Variants in RMST observed in about 807,000 individuals in gnomAD.
The protein encoded by RMST is long intergenic non-protein coding RNA 54.
At chr12:97,539,601 T>A (rs1882348092) in intron 11 of RMST, among the ~76,000 whole-genome samples, 1 of 151,650 alleles carries the variant, frequency 6.6e-6, no homozygotes, top group Non-Finnish European at 1.5e-5. Context: ...CTTTTTGCTA[T>A]CATGAGATTA....
chr12:97,505,122 T>G (rs1237396766), intron 10 of RMST, among the ~76,000 whole-genome samples: 1 of 152,210 alleles, frequency 6.6e-6, no homozygotes, highest in Non-Finnish European at 1.5e-5. Context: ...ATAAGTGAAA[T>G]TTAGTGTCTG....
intron 9 of RMST, among the ~76,000 whole-genome samples, chr12:97,495,298 C>G (rs1355193048): frequency 6.6e-6 from 1 of 151,876 alleles, no homozygotes; most frequent in Non-Finnish European, 1.5e-5. Context: ...TTGACACATT[C>G]TGAAGTTAAA....
intron 11 of RMST, among the ~76,000 whole-genome samples, chr12:97,534,951 T>G (rs941284903): frequency 1.1e-4 from 17 of 151,722 alleles, no homozygotes; most frequent in Admixed American, 8.6e-4. Flanking sequence ...TTAGAGTAGA[T>G]GTACTATAAG....
chr12:97,563,071 G>A (rs1452479129), intron 13 of RMST, among the ~76,000 whole-genome samples: 1 of 152,154 alleles, frequency 6.6e-6, no homozygotes. Context: ...GTTTCAGCAT[G>A]GCCACTTATA....
intron 11 of RMST, among the ~76,000 whole-genome samples, chr12:97,544,692 A>G (rs1882805030): frequency 6.6e-6 from 1 of 151,956 alleles, no homozygotes; most frequent in African/African-American, 2.4e-5. Context: ...TTATCAACTA[A>G]TTTCTCTGCA....
chr12:97,485,230 T>C (rs1875945263), intron 5 of RMST, among the ~76,000 whole-genome samples: 1 of 152,188 alleles, frequency 6.6e-6, no homozygotes, highest in Admixed American at 6.5e-5. Flanking sequence ...TCCATCCATT[T>C]CTCTAGTAAA....
At chr12:97,544,072 A>G (rs1040995495) in intron 11 of RMST, among the ~76,000 whole-genome samples, 2 of 152,032 alleles carry the variant, frequency 1.3e-5, no homozygotes, top group African/African-American at 2.4e-5. Context: ...TTGCCCTTCT[A>G]TCAAAAAGAA....
chr12:97,558,629 C>T (rs1883880276), intron 11 of RMST, among the ~76,000 whole-genome samples: 1 of 152,044 alleles, frequency 6.6e-6, no homozygotes, highest in Non-Finnish European at 1.5e-5. Flanking sequence ...ATCAGTATTA[C>T]AAACATAAAT....
chr12:97,541,770 A>G (rs183670374), intron 11 of RMST, among the ~76,000 whole-genome samples: 1 of 151,484 alleles, frequency 6.6e-6, no homozygotes, highest in African/African-American at 2.4e-5. Context: ...TTTCCTTTTT[A>G]TAAGTTTTAT....
chr12:97,558,465 A>G (rs909768011), intron 11 of RMST, among the ~76,000 whole-genome samples: 1 of 152,194 alleles, frequency 6.6e-6, no homozygotes, highest in Non-Finnish European at 1.5e-5. Context: ...AGAAAGAATG[A>G]ATTGAGGATA....
chr12:97,558,480 A>C (rs570794510), intron 11 of RMST, among the ~76,000 whole-genome samples: 18 of 152,344 alleles, frequency 1.2e-4, no homozygotes, highest in African/African-American at 4.1e-4. Context: ...AGGATAGCAG[A>C]TGTCCAAAGA....
chr12:97,466,037 G>T (rs567166472), intron 5 of RMST, among the ~76,000 whole-genome samples: 1 of 152,134 alleles, frequency 6.6e-6, no homozygotes, highest in East Asian at 1.9e-4. Context: ...ATTTTATGTG[G>T]ATTTTATTTC....
intron 11 of RMST, among the ~76,000 whole-genome samples, chr12:97,542,806 T>C (rs1882649130): frequency 1.3e-5 from 2 of 151,970 alleles, no homozygotes. Flanking sequence ...ATTAGATTTT[T>C]GTCATTAGCT....
chr12:97,539,530 A>C (rs1382743602), intron 11 of RMST, among the ~76,000 whole-genome samples: 1 of 151,778 alleles, frequency 6.6e-6, no homozygotes, highest in South Asian at 2.1e-4. Context: ...GCACAGACAA[A>C]GGAAGAAAAT....
At chr12:97,554,138 G>A (rs1883517892) in intron 11 of RMST, among the ~76,000 whole-genome samples, 1 of 151,784 alleles carries the variant, frequency 6.6e-6, no homozygotes, top group African/African-American at 2.4e-5. Flanking sequence ...ATTTTGAGTA[G>A]AGACAGGGTT....
intron 10 of RMST, among the ~76,000 whole-genome samples, chr12:97,504,690 TCC>T (rs1878476973): frequency 1.3e-5 from 2 of 152,078 alleles, no homozygotes; most frequent in Non-Finnish European, 2.9e-5. Flanking sequence ...AAAAAAGGAG[TCC>T]TTAGAAAAAT....
chr12:97,487,012 C>T (rs11109062), intron 5 of RMST, among the ~76,000 whole-genome samples: 281 of 152,238 alleles, frequency 1.8e-3, no homozygotes, highest in Non-Finnish European at 3.3e-3. Context: ...ATTCCAGTTC[C>T]GTCCCCTCTG....
rs548778568 is a variant in RMST at position 97,487,603 on chromosome 12, G to A, written n.645-4858G>A. ...AGTAGTAACAGCTGCAGCTAATAAT[G>A]TTTGTTGAAGATACTGGAGATAACG... On this transcript the variant is annotated intron_variant and non_coding_transcript_variant, in intron 5 of 13. Transcript: ENST00000640149. 4.6e-5 allele frequency among the ~76,000 whole-genome samples: 7 copies of A among 152,272 alleles called. 1 individual carries two copies. The South Asian group carries it at 1.5e-3, about 32-fold the overall frequency.
intron 11 of RMST, chr12:97,533,495 C>G (rs1368985413): frequency 6.6e-6 from 1 of 151,754 alleles, no homozygotes; most frequent in Non-Finnish European, 1.5e-5. Flanking sequence ...TCATTAAGTT[C>G]AAAAATGCTG....
Sources: gnomAD v4.1 joint callset for allele counts (sites outside exome capture counted in the v4.1 genomes callset) on GRCh38, gnomAD v4.1.1 for gene constraint, MANE v1.5 for transcripts, NCBI Gene and HGNC (gene_info 2026-07-23, HGNC 2026-07-21) for gene names.